Variants in ME1 observed in about 807,000 individuals in gnomAD.
ME1 encodes the protein malic enzyme 1.
Under a neutral mutation model 66.4 loss-of-function variants are expected in ME1, and 74 were observed. The observed-to-expected ratio is 1.11, with a 90% CI of 0.92 to 1.35. The LOEUF (loss-of-function observed/expected upper bound fraction) is 1.35. Ranked by LOEUF, ME1 falls within the 40% of genes most tolerant of loss-of-function variation. The pLI is 0.00. For synonymous variants in ME1, 251 were observed against 235.6 expected, an observed-to-expected ratio of 1.07 and a Z score of -0.60; for missense variants, 750 against 694.1, an observed-to-expected ratio of 1.08 and a Z score of -0.90.
intron 11 of ME1, 64 bp from the exon 12 acceptor site, chr6:83,223,997 A>G: frequency 2.1e-6 from 3 of 1,400,414 alleles, no homozygotes; most frequent in Non-Finnish European, 3.0e-6. Context: ...CAAATGTATC[A>G]TAACAGAACT....
intron 6 of ME1, among the ~76,000 whole-genome samples, chr6:83,314,008 G>T (rs1029189263): frequency 6.6e-6 from 1 of 152,130 alleles, no homozygotes; most frequent in Admixed American, 6.6e-5. Flanking sequence ...AACCAGAAGT[G>T]CATCTCTAGT....
At chr6:83,424,856 G>A (rs1459677764) in intron 1 of ME1, among the ~76,000 whole-genome samples, 1 of 151,982 alleles carries the variant, frequency 6.6e-6, no homozygotes, top group East Asian at 1.9e-4. Context: ...CTTCTCTCCT[G>A]GACTTACTAG....
At chr6:83,407,016 C>T (rs565864917) in intron 2 of ME1, among the ~76,000 whole-genome samples, 1 of 145,702 alleles carries the variant, frequency 6.9e-6, no homozygotes, top group East Asian at 2.0e-4. Context: ...CCTATCAGCT[C>T]TGCTTCTTCG....
chr6:83,333,670 C>A (rs1294902814), intron 5 of ME1, among the ~76,000 whole-genome samples: 2 of 152,110 alleles, frequency 1.3e-5, no homozygotes, highest in African/African-American at 2.4e-5. Context: ...TTTTAAGCAA[C>A]AGAAAAGTTA....
chr6:83,371,599 A>C (rs948722778), intron 3 of ME1, among the ~76,000 whole-genome samples: 7 of 152,190 alleles, frequency 4.6e-5, no homozygotes, highest in Admixed American at 2.6e-4. Flanking sequence ...TATACTGCCA[A>C]ATACAGTTCA....
intron 6 of ME1, among the ~76,000 whole-genome samples, chr6:83,258,924 T>C (rs1766832427): frequency 6.6e-6 from 1 of 152,146 alleles, no homozygotes; most frequent in Non-Finnish European, 1.5e-5. Flanking sequence ...ACTGATAAAA[T>C]AAGGGTGTTA....
intron 11 of ME1, among the ~76,000 whole-genome samples, chr6:83,226,332 G>C (rs557794910): frequency 6.6e-6 from 1 of 152,236 alleles, no homozygotes; most frequent in Admixed American, 6.5e-5. Flanking sequence ...GAGGCCTGTT[G>C]AGATATATTA....
Position 83,392,489 on chromosome 6 carries a change from C to G in ME1, c.362+5878G>C, listed in dbSNP as rs967116933. 2.3e-5 allele frequency: 12 copies of G among 523,726 alleles called. No homozygotes were observed. The Admixed American group carries it at 2.3e-4, about 10-fold the overall frequency. The allele number at this position is 523,726 out of a possible 1,614,324, so 32.4% of individuals were successfully genotyped here. On this transcript the variant is annotated intron_variant, in intron 3 of 13. Coordinates refer to ENST00000369705, the MANE Select transcript of ME1 (RefSeq NM_002395.6). ...CTGGTCACCAGGGCTGCTTTAAACT[C>G]TGGTTAAGTCGATATTGTCGCCATC...
chr6:83,388,649 A>T (rs2128549480), intron 3 of ME1, among the ~76,000 whole-genome samples: 1 of 152,280 alleles, frequency 6.6e-6, no homozygotes, highest in South Asian at 2.1e-4. Context: ...ATTTCATTTA[A>T]TTCTGTTTTT....
chr6:83,333,087 T>C (rs1768446140), intron 5 of ME1, among the ~76,000 whole-genome samples: 1 of 152,170 alleles, frequency 6.6e-6, no homozygotes, highest in Non-Finnish European at 1.5e-5. Context: ...CTAATTCCAT[T>C]TCTATTTTCA....
intron 9 of ME1, among the ~76,000 whole-genome samples, chr6:83,233,564 G>T (rs1790341553): frequency 1.3e-5 from 2 of 151,962 alleles, no homozygotes; most frequent in Admixed American, 1.3e-4. Flanking sequence ...TAATTATCTA[G>T]CGTGATGATG....
intron 6 of ME1, among the ~76,000 whole-genome samples, chr6:83,268,520 C>T (rs1383209690): frequency 2.6e-5 from 4 of 152,086 alleles, no homozygotes; most frequent in Admixed American, 2.0e-4. Context: ...AGTCAATCCC[C>T]AGTCCAGCAC....
chr6:83,301,870 TTG>T (rs1269952577), intron 6 of ME1, among the ~76,000 whole-genome samples: 1 of 152,168 alleles, frequency 6.6e-6, no homozygotes, highest in African/African-American at 2.4e-5. Context: ...AGTTCATGCT[TTG>T]TGGAAAGCAG....
intron 5 of ME1, among the ~76,000 whole-genome samples, chr6:83,341,519 A>G (rs1338644133): frequency 6.6e-6 from 1 of 152,136 alleles, no homozygotes; most frequent in Non-Finnish European, 1.5e-5. Flanking sequence ...CAGCTAAACT[A>G]CCTTTTATAA....
intron 3 of ME1, among the ~76,000 whole-genome samples, chr6:83,368,564 C>A (rs941099716): frequency 3.9e-5 from 6 of 151,984 alleles, no homozygotes; most frequent in African/African-American, 1.4e-4. Context: ...ATTTTTGTTG[C>A]ATTTAGTCCA....
chr6:83,303,779 G>A (rs1400021349), intron 6 of ME1, among the ~76,000 whole-genome samples: 1 of 152,026 alleles, frequency 6.6e-6, no homozygotes, highest in African/African-American at 2.4e-5. Flanking sequence ...CATAAAAGTA[G>A]AAATCTTTAT....
At position 83,393,343 on chromosome 6, in the gene ME1, G is replaced by A. The variant is rs1342881093; in HGVS notation, c.362+5024C>T. The A allele has an allele frequency of 6.9e-6, 8 of 1,159,214 alleles. No homozygotes were observed. The Admixed American group carries it at 1.3e-4, about 18-fold the overall frequency. The allele number at this position is 1,159,214 out of a possible 1,614,324, so 71.8% of individuals were successfully genotyped here. On this transcript the variant is annotated intron_variant, in intron 3 of 13. Transcript: ENST00000369705. ...CTTTGTCAAGCTCATTTCCTGGTAT[G>A]ACAATGAATTTGGCTGCAGCAACAG...
chr6:83,325,469 T>C (rs559947466), intron 5 of ME1, among the ~76,000 whole-genome samples: 2 of 152,266 alleles, frequency 1.3e-5, no homozygotes, highest in South Asian at 2.1e-4. Context: ...GAAAACCCCA[T>C]TGTCTCAGCA....
intron 9 of ME1, chr6:83,229,165 C>T (rs1333576110): frequency 7.0e-6 from 4 of 570,374 alleles, no homozygotes; most frequent in Non-Finnish European, 1.3e-5. Context: ...AAACAAAGTC[C>T]TTCATTTAAT....
Sources: allele counts gnomAD v4.1 joint callset (sites outside exome capture counted in the v4.1 genomes callset), GRCh38; gene constraint gnomAD v4.1.1; transcripts MANE v1.5; gene names NCBI Gene and HGNC (gene_info 2026-07-23, HGNC 2026-07-21).